The following ZBTB24 variants were observed in gnomAD, a reference collection of about 807,000 sequenced individuals.
ZBTB24 encodes the protein zinc finger and BTB domain-containing protein 24.
ZBTB24 carries 32 observed loss-of-function variants against 53.8 expected under a neutral mutation model. That is an observed-to-expected ratio of 0.60 (90% CI 0.45 to 0.80). The LOEUF (loss-of-function observed/expected upper bound fraction) is 0.80, where lower values mean the gene tolerates loss of function less well. Ranked by LOEUF, ZBTB24 falls within the 30% of genes least tolerant of loss-of-function variation. ZBTB24 has a pLI of 0.00. For missense variants in ZBTB24, 722 were observed against 837.1 expected, an observed-to-expected ratio of 0.86 and a Z score of 1.70; for synonymous variants, 297 against 306.7, an observed-to-expected ratio of 0.97 and a Z score of 0.33.
chr6:109,476,386 C>T lies in ZBTB24; in HGVS notation c.1121-128G>A, dbSNP rs1019657476. 9.7e-6 allele frequency: 9 copies of T among 931,670 alleles called. No homozygotes were observed. The African/African-American group carries it at 1.5e-4, about 15-fold the overall frequency. The allele number at this position is 931,670 out of a possible 1,614,324, so 57.7% of individuals were successfully genotyped here. On this transcript the variant is annotated intron_variant, in intron 3 of 6. Transcript: ENST00000230122. ...ACAAATGATACAAGCGACTTGTTTA[C>T]ATACCCAGAAGCCTTCAATCTACCA...
rs186430883 is a variant in ZBTB24 at position 109,477,327 on chromosome 6, T to A, written c.953-397A>T. On this transcript the variant is annotated intron_variant, in intron 2 of 6. Coordinates refer to ENST00000230122, the MANE Select transcript of ZBTB24 (RefSeq NM_014797.3). ...CTAATTTTTTAATTGTAATTTTAAT[T>A]TTTTTTAGAGATGGGATCTCACTAT... Among the ~76,000 whole-genome samples the A allele has an allele frequency of 5.3e-5, 8 of 152,234 alleles. No individual in the cohort carries two copies. The East Asian group carries it at 1.4e-3, about 26-fold the overall frequency.
intron 5 of ZBTB24, among the ~76,000 whole-genome samples, chr6:109,468,534 A>T (rs1341141097): frequency 1.3e-5 from 2 of 152,072 alleles, no homozygotes; most frequent in Non-Finnish European, 2.9e-5. Context: ...GTGAGGCTCC[A>T]TCACCACCAA....
intron 2 of ZBTB24, among the ~76,000 whole-genome samples, chr6:109,480,085 A>C (rs1411099797): frequency 1.3e-5 from 2 of 152,170 alleles, no homozygotes; most frequent in East Asian, 3.8e-4. Flanking sequence ...AGACAACTAA[A>C]TCAGAAGCTC....
At chr6:109,482,193 C>G in intron 1 of ZBTB24, 139 bp from the exon 2 acceptor site, 1 of 748,810 alleles carries the variant, frequency 1.3e-6, no homozygotes, top group Non-Finnish European at 2.2e-6. Flanking sequence ...AAACTTAGCT[C>G]TGGGCCCGGG....
intron 2 of ZBTB24, among the ~76,000 whole-genome samples, chr6:109,478,587 G>C (rs1322015318): frequency 6.6e-6 from 1 of 152,150 alleles, no homozygotes; most frequent in African/African-American, 2.4e-5. Context: ...TGTAATCCCA[G>C]CTACTTGGGT....
At chr6:109,471,389 C>T (rs1776161941) in intron 5 of ZBTB24, among the ~76,000 whole-genome samples, 1 of 152,154 alleles carries the variant, frequency 6.6e-6, no homozygotes, top group African/African-American at 2.4e-5. Context: ...ATGGGAAGAC[C>T]CCCAGGTCTC....
chr6:109,468,634 GTTAT>G (rs934574592), intron 5 of ZBTB24, among the ~76,000 whole-genome samples: 13 of 151,828 alleles, frequency 8.6e-5, no homozygotes, highest in African/African-American at 2.9e-4. Flanking sequence ...TAATGTATAA[GTTAT>G]TTATTATCCA....
intron 5 of ZBTB24, among the ~76,000 whole-genome samples, chr6:109,471,925 A>T (rs755880254): frequency 2.4e-4 from 36 of 152,066 alleles, no homozygotes; most frequent in Non-Finnish European, 4.6e-4. Flanking sequence ...TGTCTGCCTG[A>T]CACTTTGCCT....
intron 6 of ZBTB24, 38 bp downstream of exon 6, chr6:109,467,615 G>A (rs749910680): frequency 1.9e-6 from 3 of 1,614,110 alleles, no homozygotes; most frequent in Non-Finnish European, 2.5e-6. Flanking sequence ...AGAACTGAAT[G>A]AGGCCTCCAT....
At chr6:109,479,101 A>G (rs951009289) in intron 2 of ZBTB24, among the ~76,000 whole-genome samples, 1 of 152,218 alleles carries the variant, frequency 6.6e-6, no homozygotes, top group African/African-American at 2.4e-5. Flanking sequence ...GAAAACAGAG[A>G]GGAGAAATCA....
At chr6:109,472,448 A>T (rs1776186444) in intron 5 of ZBTB24, among the ~76,000 whole-genome samples, 1 of 151,912 alleles carries the variant, frequency 6.6e-6, no homozygotes, top group Admixed American at 6.6e-5. Flanking sequence ...GTTCCTTTTC[A>T]TCCCCACTTC....
chr6:109,465,529 G>T lies in ZBTB24; in HGVS notation c.*322C>A. On this transcript the variant is annotated 3_prime_UTR_variant, in exon 7 of 7. Coordinates refer to ENST00000230122, the MANE Select transcript of ZBTB24 (RefSeq NM_014797.3). Reference sequence around the variant, plus strand: ...GAGGTTGGCAAGACCATAACCTATGGCTGTGAACATTTAAACCTTACAGAA... The same window carrying T: ...GAGGTTGGCAAGACCATAACCTATGTCTGTGAACATTTAAACCTTACAGAA... 3.1e-6 allele frequency: 3 copies of T among 966,450 alleles called. No homozygotes were observed. Among genetic ancestry groups the T allele is most frequent in the Non-Finnish European group, 4.5e-6 (3 of 660,318 alleles). The allele number at this position is 966,450 out of a possible 1,614,324, so 59.9% of individuals were successfully genotyped here.
At position 109,481,200 on chromosome 6, in the gene ZBTB24, T is replaced by C. The variant is rs764640688; in HGVS notation, c.827A>G (p.His276Arg). 4 of 1,614,106 alleles carry C rather than the reference T, an allele frequency of 2.5e-6. No homozygotes were observed. The highest frequency in any genetic ancestry group is 4.5e-5 in the East Asian group (2 of 44,902). The change falls in exon 2 of 7, where the codon CAT becomes CGT. Residue 276 changes from histidine (H) to arginine (R), a missense_variant. Coordinates refer to ENST00000230122, the MANE Select transcript of ZBTB24 (RefSeq NM_014797.3). Reference protein sequence around the residue: ...DYKLVGDQEDHGSAKRICGRR... With the variant: ...DYKLVGDQEDRGSAKRICGRR... ...TCCACAGATCCTCTTGGCTGAACCA[T>C]GGTCCTCTTGATCCCCAACAAGTTT...
At position 109,463,335 on chromosome 6, in the gene ZBTB24, A is replaced by G. The variant is rs1470851176; in HGVS notation, c.*2516T>C. The G allele has an allele frequency of 1.3e-5, 2 of 152,188 alleles. No individual in the cohort carries two copies. Among genetic ancestry groups the G allele is most frequent in the East Asian group, 3.9e-4 (2 of 5,190 alleles). 9.4% of individuals were successfully genotyped at this position (152,188 alleles called of 1,614,324 possible). The stretch of plus-strand genomic sequence containing the variant: ...GTAGAATGTATATGTGGGACAAAGA[A>G]AGAGGCTAGATTAACAAAGCTATCA... On this transcript the variant is annotated 3_prime_UTR_variant, in exon 7 of 7. Coordinates refer to ENST00000230122, the MANE Select transcript of ZBTB24 (RefSeq NM_014797.3).
chr6:109,478,529 C>T (rs1006004494), intron 2 of ZBTB24, among the ~76,000 whole-genome samples: 1 of 152,084 alleles, frequency 6.6e-6, no homozygotes, highest in Non-Finnish European at 1.5e-5. Flanking sequence ...CACAGTTTTA[C>T]AGACTCTCTC....
chr6:109,475,595 T>G, intron 4 of ZBTB24, 113 bp from the exon 5 acceptor site: 3 of 1,281,400 alleles, frequency 2.3e-6, no homozygotes, highest in Non-Finnish European at 3.3e-6. Flanking sequence ...TATAGTACTT[T>G]AACCACAAAA....
At chr6:109,477,535 G>A (rs1040979946) in intron 2 of ZBTB24, among the ~76,000 whole-genome samples, 2 of 152,196 alleles carry the variant, frequency 1.3e-5, no homozygotes, top group African/African-American at 4.8e-5. Context: ...GGGTGAGGGA[G>A]GGTAAATGAA....
At chr6:109,471,327 C>A (rs114477192) in intron 5 of ZBTB24, among the ~76,000 whole-genome samples, 4 of 152,032 alleles carry the variant, frequency 2.6e-5, no homozygotes, top group Non-Finnish European at 5.9e-5. Flanking sequence ...GTAGATGGCA[C>A]GTAGACTCTG....
At chr6:109,482,181 A>G (rs1776434164) in intron 1 of ZBTB24, 127 bp from the exon 2 acceptor site, 3 of 801,310 alleles carry the variant, frequency 3.7e-6, no homozygotes, top group Admixed American at 2.1e-5. Context: ...TTGTCTGTCT[A>G]CAAACTTAGC....
Sources: gnomAD v4.1 joint callset for allele counts (sites outside exome capture counted in the v4.1 genomes callset) on GRCh38, gnomAD v4.1.1 for gene constraint, MANE v1.5 for transcripts, NCBI Gene and HGNC (gene_info 2026-07-23, HGNC 2026-07-21) for gene names.